The following SPATA12 variants were observed in gnomAD, a reference collection of about 807,000 sequenced individuals.
SPATA12 encodes spermatogenesis associated 12.
For missense variants in SPATA12, 219 were observed against 226.4 expected, an observed-to-expected ratio of 0.97 and a Z score of 0.21; for synonymous variants, 85 against 89.2, an observed-to-expected ratio of 0.95 and a Z score of 0.26.
intron 1 of SPATA12, among the ~76,000 whole-genome samples, chr3:57,068,178 C>CAA (rs1705675338): frequency 6.6e-6 from 1 of 151,594 alleles, no homozygotes; most frequent in Non-Finnish European, 1.5e-5. Flanking sequence ...TACACACACA[C>CAA]ACACACACAC....
intron 1 of SPATA12, among the ~76,000 whole-genome samples, chr3:57,071,772 T>C (rs1031050537): frequency 6.6e-6 from 1 of 151,752 alleles, no homozygotes; most frequent in Non-Finnish European, 1.5e-5. Flanking sequence ...AATAGATAAA[T>C]TGAACTTCAC....
chr3:57,068,328 T>C (rs1373757072), intron 1 of SPATA12, among the ~76,000 whole-genome samples: 2 of 152,286 alleles, frequency 1.3e-5, no homozygotes, highest in Non-Finnish European at 2.9e-5. Flanking sequence ...TAAAAGGTAA[T>C]ACGTTCATTT....
intron 1 of SPATA12, among the ~76,000 whole-genome samples, chr3:57,061,307 T>A (rs6445847): frequency 0.87 from 131,566 of 152,004 alleles, 57,002 homozygotes; most frequent in East Asian, 0.97. Context: ...TATTATTATT[T>A]TTTTTTTTGC....
At chr3:57,063,058 C>T (rs774594057) in intron 1 of SPATA12, among the ~76,000 whole-genome samples, 12 of 152,254 alleles carry the variant, frequency 7.9e-5, no homozygotes, top group Non-Finnish European at 1.6e-4. Context: ...GCAGTGGTAA[C>T]GGTTTAGACA....
chr3:57,071,732 T>C (rs759659172), intron 1 of SPATA12, among the ~76,000 whole-genome samples: 20 of 150,628 alleles, frequency 1.3e-4, no homozygotes, highest in Middle Eastern at 3.5e-3. Flanking sequence ...TTCTTACGTA[T>C]GACACCAAAA....
intron 1 of SPATA12, among the ~76,000 whole-genome samples, chr3:57,068,077 G>A (rs945536896): frequency 6.6e-6 from 1 of 152,066 alleles, no homozygotes; most frequent in Non-Finnish European, 1.5e-5. Context: ...GGAGGCCAAG[G>A]CAAGAGGATC....
intron 1 of SPATA12, among the ~76,000 whole-genome samples, chr3:57,069,073 C>T (rs1705730788): frequency 6.6e-6 from 1 of 152,074 alleles, no homozygotes; most frequent in African/African-American, 2.4e-5. Flanking sequence ...CAGGCACTCA[C>T]CACCACGTCT....
Position 57,074,327 on chromosome 3 carries a change from T to A in SPATA12, c.*60T>A. 6.9e-7 allele frequency: 1 copy of A among 1,451,420 alleles called. No homozygotes were observed. The highest frequency in any genetic ancestry group is 1.4e-5 in the African/African-American group (1 of 71,840). The allele number at this position is 1,451,420 out of a possible 1,614,324, so 89.9% of individuals were successfully genotyped here. A position where few individuals can be genotyped will look rare whatever the true frequency, so the allele number is the denominator to read the frequency against. On this transcript the variant is annotated 3_prime_UTR_variant, in exon 2 of 2. Transcript: ENST00000334325. ...AGCTGTTTGTCTGGGCCTTTGCACA[T>A]GCTATGCCCTCCCTTCCATCCCCCA... is the stretch of plus-strand genomic sequence containing the variant.
chr3:57,069,790 A>G (rs540883037), intron 1 of SPATA12, among the ~76,000 whole-genome samples: 37 of 152,258 alleles, frequency 2.4e-4, no homozygotes, highest in Middle Eastern at 3.4e-3. Flanking sequence ...GACTACAGAC[A>G]TGTGCCGTCA....
chr3:57,065,744 C>G (rs1465885496), intron 1 of SPATA12, among the ~76,000 whole-genome samples: 1 of 152,220 alleles, frequency 6.6e-6, no homozygotes, highest in African/African-American at 2.4e-5. Context: ...CCCACCACAG[C>G]TAGGTGGTAG....
At chr3:57,069,909 T>G (rs1219490670) in intron 1 of SPATA12, among the ~76,000 whole-genome samples, 1 of 152,214 alleles carries the variant, frequency 6.6e-6, no homozygotes, top group Non-Finnish European at 1.5e-5. Context: ...CCTCCCAAAG[T>G]GCTGGGATTA....
chr3:57,074,771 C>G lies in SPATA12; in HGVS notation c.*504C>G, dbSNP rs1263931330. 2.2e-5 allele frequency: 4 copies of G among 178,482 alleles called. No homozygotes were observed. The highest frequency in any genetic ancestry group is 5.4e-5 in the Non-Finnish European group (4 of 74,538). The allele number at this position is 178,482 out of a possible 1,614,324, so 11.1% of individuals were successfully genotyped here. ...CCAGGGTAGGTGCAGTGGAGCAAGT[C>G]TTACAATGTGCAGGATTATAACTCC... On this transcript the variant is annotated 3_prime_UTR_variant, in exon 2 of 2. Coordinates refer to ENST00000334325, the MANE Select transcript of SPATA12 (RefSeq NM_181727.2).
chr3:57,063,804 G>A (rs1211640955), intron 1 of SPATA12, among the ~76,000 whole-genome samples: 1 of 152,214 alleles, frequency 6.6e-6, no homozygotes, highest in African/African-American at 2.4e-5. Flanking sequence ...TCTGGGGAGA[G>A]GGGAGTGGAA....
intron 1 of SPATA12, among the ~76,000 whole-genome samples, chr3:57,069,084 G>A (rs1286964290): frequency 6.6e-6 from 1 of 151,912 alleles, no homozygotes; most frequent in Non-Finnish European, 1.5e-5. Context: ...CACCACGTCT[G>A]GATAATTTTT....
intron 1 of SPATA12, among the ~76,000 whole-genome samples, chr3:57,065,430 C>A (rs948888500): frequency 1.3e-5 from 2 of 151,714 alleles, no homozygotes; most frequent in Non-Finnish European, 2.9e-5. Context: ...CACTGCACTC[C>A]AGCCTGGGCA....
intron 1 of SPATA12, among the ~76,000 whole-genome samples, chr3:57,065,209 C>T (rs1361796287): frequency 6.6e-6 from 1 of 152,214 alleles, no homozygotes; most frequent in Non-Finnish European, 1.5e-5. Flanking sequence ...CGCCTGTAAT[C>T]CCAGCACTTC....
At chr3:57,063,783 G>C (rs1203025074) in intron 1 of SPATA12, among the ~76,000 whole-genome samples, 1 of 152,166 alleles carries the variant, frequency 6.6e-6, no homozygotes, top group Admixed American at 6.5e-5. Flanking sequence ...TGTAGACCTT[G>C]GTAAGAGATA....
At chr3:57,072,055 A>C (rs1038176765) in intron 1 of SPATA12, among the ~76,000 whole-genome samples, 15 of 152,228 alleles carry the variant, frequency 9.9e-5, no homozygotes, top group Non-Finnish European at 1.6e-4. Flanking sequence ...AATGCAAATC[A>C]AAGTCACAAT....
At chr3:57,065,924 G>T (rs1705501473) in intron 1 of SPATA12, among the ~76,000 whole-genome samples, 1 of 151,970 alleles carries the variant, frequency 6.6e-6, no homozygotes, top group African/African-American at 2.4e-5. Context: ...GTCTTAAAAT[G>T]AAATCTAAGA....
Sources: gnomAD v4.1 joint callset for allele counts (sites outside exome capture counted in the v4.1 genomes callset) on GRCh38, gnomAD v4.1.1 for gene constraint, MANE v1.5 for transcripts, NCBI Gene and HGNC (gene_info 2026-07-23, HGNC 2026-07-21) for gene names.